MACROD2: variants seen among roughly 807,000 people sequenced by gnomAD.
The protein encoded by MACROD2 is mono-ADP ribosylhydrolase 2.
In MACROD2, 36 loss-of-function variants were observed where a neutral mutation model predicts 70.4. The observed-to-expected ratio is 0.51, with a 90% CI of 0.39 to 0.68. MACROD2 has a LOEUF of 0.68. Among genes scored for constraint, MACROD2 ranks in the 30% least tolerant of loss-of-function variants. MACROD2 has a pLI of 0.00. For synonymous variants in MACROD2, 172 were observed against 178.8 expected, an observed-to-expected ratio of 0.96 and a Z score of 0.30; for missense variants, 496 against 538.4, an observed-to-expected ratio of 0.92 and a Z score of 0.78.
At chr20:15,101,223 C>G (rs2075869653) in intron 5 of MACROD2, among the ~76,000 whole-genome samples, 2 of 151,986 alleles carry the variant, frequency 1.3e-5, no homozygotes, top group African/African-American at 2.4e-5. Flanking sequence ...TTTTTGTGCT[C>G]TATTTTTGTA....
At chr20:15,104,219 G>A (rs533333310) in intron 5 of MACROD2, among the ~76,000 whole-genome samples, 1 of 152,070 alleles carries the variant, frequency 6.6e-6, no homozygotes, top group Non-Finnish European at 1.5e-5. Flanking sequence ...AGACAGGGAC[G>A]CCACTGTCCT....
At chr20:15,744,717 CACACACACACACACACACACT>C (rs991251570) in intron 8 of MACROD2, among the ~76,000 whole-genome samples, 7 of 151,740 alleles carry the variant, frequency 4.6e-5, no homozygotes, top group African/African-American at 1.5e-4. Flanking sequence ...CACACACACA[CACACACACACACACACACACT>C]ACACACAAGG....
intron 8 of MACROD2, among the ~76,000 whole-genome samples, chr20:15,727,695 T>G (rs1280652246): frequency 6.6e-6 from 1 of 152,172 alleles, no homozygotes; most frequent in African/African-American, 2.4e-5. Flanking sequence ...ATTCTTTTTG[T>G]GGCTCTTATG....
chr20:15,882,009 A>T (rs931037306), intron 9 of MACROD2, among the ~76,000 whole-genome samples: 1 of 152,130 alleles, frequency 6.6e-6, no homozygotes, highest in Non-Finnish European at 1.5e-5. Flanking sequence ...AGCACTTGAC[A>T]TATAATCCTA....
In MACROD2 at chr20:14,564,653, C is replaced by A. The variant is rs1979658409; in HGVS notation, c.301+71145C>A. 2.0e-5 allele frequency among the ~76,000 whole-genome samples: 3 copies of A among 151,626 alleles called. No homozygotes were observed. In the South Asian group the frequency reaches 6.2e-4, roughly 31 times the overall value. On this transcript the variant is annotated intron_variant, in intron 4 of 17. Coordinates refer to ENST00000684519, the MANE Select transcript of MACROD2 (RefSeq NM_001351661.2). The stretch of plus-strand genomic sequence containing the variant: ...AAATTAAAGCCACAATACCATTTCA[C>A]AACAGTCAGAATAGCTATTAAAAAG...
At chr20:15,307,038 A>C (rs1331331078) in intron 6 of MACROD2, among the ~76,000 whole-genome samples, 1 of 152,110 alleles carries the variant, frequency 6.6e-6, no homozygotes, top group Non-Finnish European at 1.5e-5. Flanking sequence ...TTAAACAACC[A>C]GGAAAGGGCA....
At chr20:14,423,951 G>A (rs1600224644) in intron 3 of MACROD2, among the ~76,000 whole-genome samples, 1 of 151,248 alleles carries the variant, frequency 6.6e-6, no homozygotes. Flanking sequence ...TAGTAGAGAC[G>A]GGGTTTCTCC....
intron 4 of MACROD2, among the ~76,000 whole-genome samples, chr20:14,591,869 A>C (rs1310529879): frequency 6.6e-6 from 1 of 152,226 alleles, no homozygotes; most frequent in Non-Finnish European, 1.5e-5. Context: ...ATATGAAATA[A>C]TTTGAGATCA....
At chr20:15,203,393 G>T (rs1410320144) in intron 5 of MACROD2, among the ~76,000 whole-genome samples, 1 of 152,000 alleles carries the variant, frequency 6.6e-6, no homozygotes, top group South Asian at 2.1e-4. Context: ...ATTGTATTCA[G>T]TCTTTGTTTT....
At chr20:15,925,593 A>G (rs2065476489) in intron 10 of MACROD2, among the ~76,000 whole-genome samples, 1 of 152,124 alleles carries the variant, frequency 6.6e-6, no homozygotes, top group South Asian at 2.1e-4. Context: ...CATACCTTCA[A>G]TGTTGAAATG....
At chr20:15,877,932 T>G (rs896668176) in intron 9 of MACROD2, among the ~76,000 whole-genome samples, 3 of 152,102 alleles carry the variant, frequency 2.0e-5, no homozygotes, top group African/African-American at 7.2e-5. Flanking sequence ...CAAGGGAATT[T>G]TATGATCTAT....
At chr20:15,119,422 G>T (rs1260569091) in intron 5 of MACROD2, among the ~76,000 whole-genome samples, 1 of 152,158 alleles carries the variant, frequency 6.6e-6, no homozygotes, top group Non-Finnish European at 1.5e-5. Context: ...TTGTACAGAG[G>T]TGCAAACAGG....
At chr20:14,187,635 A>G (rs960762425) in intron 3 of MACROD2, among the ~76,000 whole-genome samples, 9 of 152,214 alleles carry the variant, frequency 5.9e-5, no homozygotes, top group Non-Finnish European at 1.0e-4. Flanking sequence ...TTTGTTAAAT[A>G]TGACATAAAG....
At chr20:14,464,462 T>G (rs1487635753) in intron 3 of MACROD2, among the ~76,000 whole-genome samples, 3 of 152,082 alleles carry the variant, frequency 2.0e-5, no homozygotes, top group East Asian at 1.9e-4. Flanking sequence ...TCTATCAATT[T>G]TGTTGATCTT....
At chr20:14,711,933 C>G (rs569854963) in intron 5 of MACROD2, among the ~76,000 whole-genome samples, 1 of 152,148 alleles carries the variant, frequency 6.6e-6, no homozygotes, top group South Asian at 2.1e-4. Context: ...TAGTCAGCTT[C>G]TTAAGTGCTG....
intron 6 of MACROD2, among the ~76,000 whole-genome samples, chr20:15,341,351 A>G (rs954311974): frequency 2.0e-5 from 3 of 152,164 alleles, no homozygotes; most frequent in African/African-American, 7.2e-5. Flanking sequence ...TAATTAACTT[A>G]TTAACAAAAT....
At chr20:14,782,784 A>C (rs2072318356) in intron 5 of MACROD2, among the ~76,000 whole-genome samples, 1 of 151,918 alleles carries the variant, frequency 6.6e-6, no homozygotes, top group Non-Finnish European at 1.5e-5. Flanking sequence ...CTCCCTAATA[A>C]ATTTCCTGAT....
At chr20:15,231,612 T>C (rs2076959619) in intron 6 of MACROD2, among the ~76,000 whole-genome samples, 1 of 152,028 alleles carries the variant, frequency 6.6e-6, no homozygotes, top group South Asian at 2.1e-4. Context: ...TTAGAAACAG[T>C]ATAAAAATAA....
intron 13 of MACROD2, among the ~76,000 whole-genome samples, chr20:15,968,817 A>G (rs1341719390): frequency 7.6e-6 from 1 of 131,730 alleles, no homozygotes; most frequent in Non-Finnish European, 1.5e-5. Context: ...ATATATATAT[A>G]TATATATATA....
Sources: gnomAD v4.1 joint callset for allele counts (sites outside exome capture counted in the v4.1 genomes callset) on GRCh38, gnomAD v4.1.1 for gene constraint, MANE v1.5 for transcripts, NCBI Gene and HGNC (gene_info 2026-07-23, HGNC 2026-07-21) for gene names.